Variants in DMD observed in about 807,000 individuals in gnomAD.
DMD encodes the protein dystrophin.
A neutral mutation model predicts 330.1 loss-of-function variants in DMD; 63 were observed. That is an observed-to-expected ratio of 0.19 (90% CI 0.16 to 0.24). The LOEUF is 0.24. Ranked by LOEUF, DMD falls within the 10% of genes least tolerant of loss-of-function variation. The pLI, the probability that DMD is intolerant of heterozygous loss-of-function variation, is 1.00. For synonymous variants in DMD, 1,223 were observed against 959.8 expected (o/e 1.27, Z -5.07); for missense variants, 3,344 against 2,684.1 (o/e 1.25, Z -5.43).
At chrX:31,703,206 T>C in intron 52 of DMD, among the ~76,000 whole-genome samples, 1 of 111,619 alleles carries the variant, frequency 9.0e-6, no homozygotes, top group East Asian at 2.8e-4. Context: ...AGGATAGTAT[T>C]AAAACTCTTT....
At chrX:32,014,183 G>C (rs1297763861) in intron 44 of DMD, among the ~76,000 whole-genome samples, 1 of 112,021 alleles carries the variant, frequency 8.9e-6, no homozygotes, top group Non-Finnish European at 1.9e-5. Flanking sequence ...TATGTAACAT[G>C]AATCAAAGCC....
intron 55 of DMD, among the ~76,000 whole-genome samples, chrX:31,514,448 C>T (rs1354839109): frequency 2.7e-5 from 3 of 111,581 alleles, no homozygotes; most frequent in Non-Finnish European, 5.7e-5. Context: ...TGTTGTGAAT[C>T]TCCTTTCTCA....
At chrX:32,931,045 A>T (rs1469404504) in intron 2 of DMD, among the ~76,000 whole-genome samples, 1 of 108,098 alleles carries the variant, frequency 9.3e-6, no homozygotes, top group African/African-American at 3.3e-5. Context: ...TACTATATAT[A>T]TTTCATATAT....
chrX:32,557,226 T>C (rs764918514), intron 16 of DMD, among the ~76,000 whole-genome samples: 1 of 111,850 alleles, frequency 8.9e-6, no homozygotes, highest in South Asian at 3.7e-4. Flanking sequence ...TTCATCCAAC[T>C]CTTATCAGCT....
chrX:31,211,284 T>C (rs2044646532), intron 64 of DMD, among the ~76,000 whole-genome samples: 2 of 112,174 alleles, frequency 1.8e-5, no homozygotes, highest in Admixed American at 1.9e-4. Context: ...TCTCTCTCTC[T>C]TCTGTGTGCT....
At chrX:32,825,821 A>G (rs2078647139) in intron 4 of DMD, among the ~76,000 whole-genome samples, 1 of 111,732 alleles carries the variant, frequency 8.9e-6, no homozygotes, top group African/African-American at 3.3e-5. Flanking sequence ...AAATAGCCAA[A>G]TTCATAGAGA....
rs776824185 is a variant in DMD at position 32,253,785 on chromosome X, G to A, written c.6290+33744C>T. 1.0e-4 allele frequency among the ~76,000 whole-genome samples: 11 copies of A among 107,977 alleles called. No homozygotes were observed. The South Asian group carries it at 2.5e-3, about 25-fold the overall frequency. 93.8% of individuals were successfully genotyped at this position (107,977 alleles called of 115,157 possible). ...ACTATAGGCGTGCACCACCAAGCCC[G>A]GCTAATTTTTGTATTTTTAGTAGAG... On this transcript the variant is annotated intron_variant, in intron 43 of 78. Transcript: ENST00000357033.
chrX:31,399,711 G>A (rs1169654415), intron 60 of DMD, among the ~76,000 whole-genome samples: 1 of 111,556 alleles, frequency 9.0e-6, no homozygotes, highest in Non-Finnish European at 1.9e-5. Context: ...GATTAGATCT[G>A]TTGTTTAGCA....
intron 1 of DMD, among the ~76,000 whole-genome samples, chrX:33,272,311 G>C (rs768062667): frequency 9.8e-5 from 11 of 112,070 alleles, no homozygotes; most frequent in Admixed American, 3.8e-4. Flanking sequence ...GAACTTGGAC[G>C]ATGTTGAGTT....
chrX:33,262,814 G>A (rs1034627397), intron 1 of DMD, among the ~76,000 whole-genome samples: 1 of 110,386 alleles, frequency 9.1e-6, no homozygotes, highest in African/African-American at 3.3e-5. Flanking sequence ...AGACCGATGA[G>A]TGAAAGGGAA....
intron 52 of DMD, among the ~76,000 whole-genome samples, chrX:31,718,524 A>G (rs1312035071): frequency 9.0e-6 from 1 of 110,818 alleles, no homozygotes; most frequent in Non-Finnish European, 1.9e-5. Context: ...CCTTTGAGAA[A>G]TAATAAGGGT....
chrX:32,176,078 C>G (rs761477677), intron 44 of DMD, among the ~76,000 whole-genome samples: 1 of 111,878 alleles, frequency 8.9e-6, no homozygotes, highest in African/African-American at 3.2e-5. Context: ...CATAAGCTGT[C>G]CCTTGTGCCC....
chrX:32,566,415 G>A (rs1382945157), intron 15 of DMD, among the ~76,000 whole-genome samples: 1 of 111,875 alleles, frequency 8.9e-6, no homozygotes, highest in African/African-American at 3.2e-5. Context: ...TTAACATTCG[G>A]TTCATTATTT....
chrX:31,257,637 T>C (rs182299806), intron 63 of DMD, among the ~76,000 whole-genome samples: 1 of 108,571 alleles, frequency 9.2e-6, no homozygotes, highest in East Asian at 2.8e-4. Context: ...TAGTTAATCT[T>C]ATATGGGATC....
chrX:31,545,548 C>T (rs767171408), intron 55 of DMD, among the ~76,000 whole-genome samples: 1 of 112,575 alleles, frequency 8.9e-6, no homozygotes, highest in South Asian at 3.7e-4. Context: ...GTGCTATCTG[C>T]AGTGATTATT....
intron 18 of DMD, among the ~76,000 whole-genome samples, chrX:32,505,771 A>G (rs1171848764): frequency 8.9e-6 from 1 of 112,283 alleles, no homozygotes; most frequent in African/African-American, 3.2e-5. Flanking sequence ...TCAGTAGATG[A>G]ATGGATAAAT....
intron 1 of DMD, among the ~76,000 whole-genome samples, chrX:33,118,399 C>T (rs1179966387): frequency 9.0e-6 from 1 of 111,200 alleles, no homozygotes; most frequent in Non-Finnish European, 1.9e-5. Flanking sequence ...CGTGAGCCAC[C>T]GCGCCCGGCC....
At chrX:32,442,892 A>G (rs1445238025) in intron 27 of DMD, among the ~76,000 whole-genome samples, 1 of 111,124 alleles carries the variant, frequency 9.0e-6, no homozygotes, top group African/African-American at 3.3e-5. Context: ...TAAAAAAACT[A>G]TATTATAGTT....
At chrX:31,748,120 A>G (rs1343655389) in intron 51 of DMD, among the ~76,000 whole-genome samples, 1 of 111,960 alleles carries the variant, frequency 8.9e-6, no homozygotes, top group Admixed American at 9.5e-5. Flanking sequence ...TCTTTCTGCT[A>G]TATTAATGAT....
Sources: allele counts gnomAD v4.1 joint callset (sites outside exome capture counted in the v4.1 genomes callset), GRCh38; gene constraint gnomAD v4.1.1; transcripts MANE v1.5; gene names NCBI Gene and HGNC (gene_info 2026-07-23, HGNC 2026-07-21).